Variants in OTUD7B observed in about 807,000 individuals in gnomAD.
OTUD7B encodes the protein OTU deubiquitinase 7B.
A neutral mutation model predicts 82.2 loss-of-function variants in OTUD7B; 34 were observed. That is an observed-to-expected ratio of 0.41 (90% confidence interval 0.31 to 0.55). The LOEUF is 0.55. Among genes scored for constraint, OTUD7B ranks in the 20% least tolerant of loss-of-function variants. The pLI, the probability that OTUD7B is intolerant of heterozygous loss-of-function variation, is 0.20. For missense variants in OTUD7B, 944 were observed against 1,062.1 expected (o/e 0.89, Z 1.55); for synonymous variants, 398 against 402.7 (o/e 0.99, Z 0.14).
chr1:150,026,509 A>T, the OTUD7B span, among the ~76,000 whole-genome samples: 1 of 152,160 alleles, frequency 6.6e-6, no homozygotes, highest in African/African-American at 2.4e-5. Flanking sequence ...ATAAGTTCCT[A>T]ACCCAGCTTG....
chr1:150,039,535 C>A, the OTUD7B span, among the ~76,000 whole-genome samples: 3 of 151,956 alleles, frequency 2.0e-5, no homozygotes, highest in Non-Finnish European at 4.4e-5. Flanking sequence ...CACCACCATG[C>A]CCAGTTAATT....
the OTUD7B span, among the ~76,000 whole-genome samples, chr1:150,028,392 T>G: frequency 7.2e-5 from 11 of 152,332 alleles, no homozygotes; most frequent in East Asian, 2.1e-3. Flanking sequence ...AACACTTCAC[T>G]GTGGGTTTTT....
the OTUD7B span, among the ~76,000 whole-genome samples, chr1:150,026,722 A>G: frequency 2.0e-5 from 3 of 152,244 alleles, no homozygotes; most frequent in Non-Finnish European, 4.4e-5. Flanking sequence ...GAATAAAGCC[A>G]GTACGGAAAG....
chr1:150,041,129 T>A, the OTUD7B span, among the ~76,000 whole-genome samples: 1 of 152,156 alleles, frequency 6.6e-6, no homozygotes, highest in African/African-American at 2.4e-5. Flanking sequence ...TTGTGCTCTT[T>A]TTCTTCTTCA....
chr1:149,965,695 A>G, intron 5 of OTUD7B, 82 bp downstream of exon 5: 1 of 959,868 alleles, frequency 1.0e-6, no homozygotes, highest in Non-Finnish European at 1.7e-6. Flanking sequence ...GATCAAGGTT[A>G]TCTGGATCAA....
chr1:149,983,496 C>T (rs1650930837), intron 1 of OTUD7B, among the ~76,000 whole-genome samples: 1 of 152,050 alleles, frequency 6.6e-6, no homozygotes, highest in Non-Finnish European at 1.5e-5. Flanking sequence ...TCAGGAAAAG[C>T]TTCCCCAAGG....
chr1:150,028,296 C>A, the OTUD7B span, among the ~76,000 whole-genome samples: 8 of 152,148 alleles, frequency 5.3e-5, no homozygotes, highest in Non-Finnish European at 1.0e-4. Context: ...CAATCAAGAT[C>A]ATTTGGCCTA....
At chr1:150,030,398 GC>G in the OTUD7B span, among the ~76,000 whole-genome samples, 3 of 152,070 alleles carry the variant, frequency 2.0e-5, no homozygotes, top group Non-Finnish European at 4.4e-5. Flanking sequence ...CCTTCGAAAT[GC>G]CCCTTCTGTT....
Position 149,943,036 on chromosome 1 carries a change from C to A in OTUD7B, c.*821G>T, listed in dbSNP as rs1430609949. On this transcript the variant is annotated 3_prime_UTR_variant, in exon 12 of 12. Transcript: ENST00000581312. ...GTGGTTAAAAAATAGATCAGCTCTG[C>A]CCCAATTCACCTGGAGAAAATGCAA... The A allele has an allele frequency of 6.6e-6, 1 of 152,496 alleles. No homozygotes were observed. Among genetic ancestry groups the A allele is most frequent in the African/African-American group, 2.4e-5 (1 of 41,374 alleles). The allele number at this position is 152,496 out of a possible 1,614,324, so 9.4% of individuals were successfully genotyped here.
At chr1:149,980,267 C>T (rs587638346) in intron 1 of OTUD7B, among the ~76,000 whole-genome samples, 1 of 151,274 alleles carries the variant, frequency 6.6e-6, no homozygotes, top group East Asian at 1.9e-4. Context: ...AGCCAAACTT[C>T]CTAACAGCAC....
At chr1:150,046,287 C>G in the OTUD7B span, among the ~76,000 whole-genome samples, 1 of 152,072 alleles carries the variant, frequency 6.6e-6, no homozygotes, top group African/African-American at 2.4e-5. Flanking sequence ...TCCAGCTACT[C>G]TCTCAACATC....
chr1:150,026,490 A>G, the OTUD7B span, among the ~76,000 whole-genome samples: 1 of 152,304 alleles, frequency 6.6e-6, no homozygotes, highest in African/African-American at 2.4e-5. Flanking sequence ...CACTTCCCTG[A>G]TGGTAGAGAT....
intron 9 of OTUD7B, 81 bp downstream of exon 9, chr1:149,949,548 T>TA: frequency 6.9e-7 from 1 of 1,445,928 alleles, no homozygotes; most frequent in Non-Finnish European, 9.6e-7. Flanking sequence ...GCATGTCACT[T>TA]AATTCTTTCC....
chr1:150,062,844 A>G, the OTUD7B span, among the ~76,000 whole-genome samples: 3 of 149,508 alleles, frequency 2.0e-5, no homozygotes, highest in African/African-American at 7.4e-5. Context: ...CCTCCTGAGT[A>G]CCTGGGATTA....
At chr1:150,003,595 C>G (rs1425453577) in intron 1 of OTUD7B, among the ~76,000 whole-genome samples, 2 of 152,174 alleles carry the variant, frequency 1.3e-5, no homozygotes, top group African/African-American at 4.8e-5. Flanking sequence ...TTCATTCTAT[C>G]TATATATTTA....
Position 149,938,033 on chromosome 1 carries a change from C to G in OTUD7B, c.*5824G>C, listed in dbSNP as rs1490037218. 1 of 152,164 alleles carries G rather than the reference C, an allele frequency of 6.6e-6. No individual in the cohort carries two copies. Among genetic ancestry groups the G allele is most frequent in the African/African-American group, 2.4e-5 (1 of 41,384 alleles). The allele number at this position is 152,164 out of a possible 1,614,324, so 9.4% of individuals were successfully genotyped here. ...TCTGGAACAAAGAGGTATACACCTG[C>G]TAAGAAGGTGGCCCAGAAGCCTGAT... On this transcript the variant is annotated 3_prime_UTR_variant, in exon 12 of 12. Transcript: ENST00000581312.
chr1:149,953,068 T>A (rs150841811), intron 7 of OTUD7B, among the ~76,000 whole-genome samples: 7,426 of 152,210 alleles, frequency 0.049, 216 homozygotes, highest in Non-Finnish European at 0.072. Flanking sequence ...CCCATTTGTC[T>A]ATTTTGGCTT....
chr1:149,951,001 T>TTTTTTTTTTTTTG lies in OTUD7B; in HGVS notation c.846-781_846-780insCAAAAAAAAAAAA, dbSNP rs1388877490. ...TATTTTTTTTTTTTTTTTTTTTTTGTAGATGGAGTCTCACTCTTTCGCCCA... is the reference window on the plus strand; with the variant it reads ...TATTTTTTTTTTTTTTTTTTTTTTGTTTTTTTTTTTTTGAGATGGAGTCTCACTCTTTCGCCCA... On this transcript the variant is annotated intron_variant, in intron 7 of 11. Transcript: ENST00000581312. 4.1e-3 allele frequency among the ~76,000 whole-genome samples: 259 copies of TTTTTTTTTTTTTG among 63,714 alleles called. 61 individuals carry two copies. The highest frequency in any genetic ancestry group is 6.0e-3 in the Admixed American group (23 of 3,840). The allele number at this position is 63,714 out of a possible 152,430, so 41.8% of individuals were successfully genotyped here.
chr1:150,016,419 A>G, the OTUD7B span, among the ~76,000 whole-genome samples: 1 of 150,016 alleles, frequency 6.7e-6, no homozygotes, highest in African/African-American at 2.4e-5. Flanking sequence ...CCTGATTTGT[A>G]ACATTTACTA....
Sources: gnomAD v4.1 joint callset for allele counts (sites outside exome capture counted in the v4.1 genomes callset) on GRCh38, gnomAD v4.1.1 for gene constraint, MANE v1.5 for transcripts, NCBI Gene and HGNC (gene_info 2026-07-23, HGNC 2026-07-21) for gene names.